Variants in GABRB3 observed in about 807,000 individuals in gnomAD.
GABRB3 encodes gamma-aminobutyric acid type A receptor subunit beta3.
GABRB3 carries 14 observed loss-of-function variants against 52.1 expected under a neutral mutation model. The ratio of observed to expected loss-of-function variants is 0.27; its 90% CI spans 0.18 to 0.42. The LOEUF (loss-of-function observed/expected upper bound fraction) is 0.42, where lower values mean the gene tolerates loss of function less well. Ranked by LOEUF, GABRB3 falls within the 10% of genes least tolerant of loss-of-function variation. The probability of loss-of-function intolerance (pLI) is 1.00; values close to 1 mark genes in which losing one functional copy is unlikely to be tolerated. For synonymous variants in GABRB3, 260 were observed against 232.3 expected (o/e 1.12, Z -1.08); for missense variants, 307 against 609.1 (o/e 0.50, Z 5.22).
chr15:26,750,669 C>T (rs1890479509), intron 3 of GABRB3, among the ~76,000 whole-genome samples: 1 of 152,092 alleles, frequency 6.6e-6, no homozygotes. Flanking sequence ...CAAGAAGCTG[C>T]TTTAGAGTAA....
At chr15:26,665,326 T>C (rs910559110) in intron 3 of GABRB3, among the ~76,000 whole-genome samples, 7 of 152,198 alleles carry the variant, frequency 4.6e-5, no homozygotes, top group Admixed American at 2.0e-4. Context: ...TTCAAGATCA[T>C]AGAATTAAAT....
At chr15:26,738,230 C>T (rs1020046153) in intron 3 of GABRB3, among the ~76,000 whole-genome samples, 2 of 152,034 alleles carry the variant, frequency 1.3e-5, no homozygotes, top group Non-Finnish European at 2.9e-5. Context: ...CTACAGGCAC[C>T]GGCCACCATG....
At chr15:26,569,406 T>C (rs1007741197) in intron 6 of GABRB3, 2 of 152,234 alleles carry the variant, frequency 1.3e-5, no homozygotes, top group African/African-American at 4.8e-5. Context: ...CAAATGCATA[T>C]ATCACATGTC....
At position 26,573,030 on chromosome 15, in the gene GABRB3, C is replaced by T. The variant is rs117388940; in HGVS notation, c.683-5297G>A. ...TTGAAGAACTCATTAAAAATGTGAA[C>T]ACAGAAGGTCATGCCAGCTTTGTAG... On this transcript the variant is annotated intron_variant, in intron 6 of 8. Transcript: ENST00000311550. 6.3e-3 allele frequency among the ~76,000 whole-genome samples: 958 copies of T among 152,254 alleles called. 4 individuals are homozygous for T. The highest frequency in any genetic ancestry group is 0.016 in the South Asian group (79 of 4,826).
Position 26,566,613 on chromosome 15 carries a change from C to G in GABRB3, c.835+968G>C, listed in dbSNP as rs142909062. Among the ~76,000 whole-genome samples, 790 of 152,164 alleles carry G rather than the reference C, an allele frequency of 5.2e-3. 6 individuals carry two copies. The highest frequency in any genetic ancestry group is 0.018 in the African/African-American group (763 of 41,504). ...TGGTGGTGTGTGCCTGTTGTCCCCA[C>G]TGTCCAGGAGGTAGAGTTGAGAGGA... On this transcript the variant is annotated intron_variant, in intron 7 of 8. Coordinates refer to ENST00000311550, the MANE Select transcript of GABRB3 (RefSeq NM_000814.6).
At chr15:26,763,344 T>C (rs181486865) in intron 3 of GABRB3, among the ~76,000 whole-genome samples, 1 of 152,142 alleles carries the variant, frequency 6.6e-6, no homozygotes, top group African/African-American at 2.4e-5. Context: ...AAAAAGAGAA[T>C]CTCTGCAATA....
At chr15:26,676,731 T>G (rs987605627) in intron 3 of GABRB3, among the ~76,000 whole-genome samples, 2 of 152,202 alleles carry the variant, frequency 1.3e-5, no homozygotes, top group African/African-American at 4.8e-5. Flanking sequence ...AAATAAATCT[T>G]GTTAATTCCA....
At chr15:26,646,796 T>G (rs1465186836) in intron 3 of GABRB3, among the ~76,000 whole-genome samples, 1 of 152,214 alleles carries the variant, frequency 6.6e-6, no homozygotes, top group Non-Finnish European at 1.5e-5. Context: ...CCCTAGCGAC[T>G]AATGATGTTA....
At chr15:26,554,190 A>AAAGTATATATATATAAAGT (rs1567097853) in intron 8 of GABRB3, among the ~76,000 whole-genome samples, 3 of 31,530 alleles carry the variant, frequency 9.5e-5, no homozygotes, top group African/African-American at 2.6e-4. Flanking sequence ...ATATATATAT[A>AAAGTATATATATATAAAGT]CTATATATAT....
chr15:26,768,673 TA>T lies in GABRB3; in HGVS notation c.240+3728del, dbSNP rs1891062193. Among the ~76,000 whole-genome samples the T allele has an allele frequency of 2.6e-5, 4 of 152,140 alleles. No homozygotes were observed. The South Asian group carries it at 8.3e-4, about 31-fold the overall frequency. On this transcript the variant is annotated intron_variant, in intron 3 of 8. Coordinates refer to ENST00000311550, the MANE Select transcript of GABRB3 (RefSeq NM_000814.6). ...ATCTCACTTATAGAAATATACAAAC[TA>T]AATCTCAATAATTATCTAGCCGTGT...
intron 3 of GABRB3, among the ~76,000 whole-genome samples, chr15:26,714,878 T>C (rs1889417525): frequency 1.3e-5 from 2 of 152,078 alleles, no homozygotes; most frequent in Non-Finnish European, 2.9e-5. Flanking sequence ...GAAAGACAAA[T>C]CTGTAGTCTG....
intron 3 of GABRB3, among the ~76,000 whole-genome samples, chr15:26,673,558 C>T (rs547374509): frequency 3.8e-4 from 58 of 152,224 alleles, no homozygotes; most frequent in Non-Finnish European, 7.9e-4. Context: ...ACTGATGATA[C>T]GAATTACTCT....
rs1024697622 is a variant in GABRB3 at position 26,750,448 on chromosome 15, A to C, written c.240+21954T>G. On this transcript the variant is annotated intron_variant, in intron 3 of 8. Coordinates refer to ENST00000311550, the MANE Select transcript of GABRB3 (RefSeq NM_000814.6). Reference sequence around the variant, plus strand: ...AACTGTATGATATAATGGAAATGTCAATTTTTTTGTTAGGAAAGCATAAAT... The same window carrying C: ...AACTGTATGATATAATGGAAATGTCCATTTTTTTGTTAGGAAAGCATAAAT... Among the ~76,000 whole-genome samples, 26 of 152,294 alleles carry C rather than the reference A, an allele frequency of 1.7e-4. No individual in the cohort carries two copies. The East Asian group carries it at 3.9e-3, about 23-fold the overall frequency.
chr15:26,765,145 A>AAAAG (rs10685945), intron 3 of GABRB3, among the ~76,000 whole-genome samples: 45 of 150,714 alleles, frequency 3.0e-4, no homozygotes, highest in African/African-American at 1.1e-3. Flanking sequence ...AAAAAAAAAA[A>AAAAG]GTCAAAACTT....
chr15:26,650,155 C>CT (rs1391296088), intron 3 of GABRB3, among the ~76,000 whole-genome samples: 1 of 152,164 alleles, frequency 6.6e-6, no homozygotes, highest in Non-Finnish European at 1.5e-5. Flanking sequence ...GTCCAGAGCC[C>CT]TGTTGGGTGC....
intron 3 of GABRB3, chr15:26,624,823 G>T: frequency 5.1e-6 from 5 of 985,404 alleles, no homozygotes; most frequent in Non-Finnish European, 6.0e-6. Context: ...CCACTCTCGT[G>T]CAGCCGGGAG....
intron 3 of GABRB3, among the ~76,000 whole-genome samples, chr15:26,758,826 G>A (rs1890732477): frequency 6.6e-6 from 1 of 152,152 alleles, no homozygotes; most frequent in Non-Finnish European, 1.5e-5. Flanking sequence ...CACCATTGTA[G>A]ACAAATTATG....
chr15:26,766,801 A>G (rs894635182), intron 3 of GABRB3, among the ~76,000 whole-genome samples: 6 of 151,670 alleles, frequency 4.0e-5, no homozygotes, highest in African/African-American at 1.2e-4. Flanking sequence ...ATGTCAAACT[A>G]AAGACAACAT....
intron 6 of GABRB3, among the ~76,000 whole-genome samples, chr15:26,579,105 G>A (rs1164570844): frequency 3.3e-5 from 5 of 152,160 alleles, no homozygotes; most frequent in African/African-American, 1.2e-4. Context: ...TGGAGAGGAG[G>A]GAACGTTGCT....
Sources: allele counts gnomAD v4.1 joint callset (sites outside exome capture counted in the v4.1 genomes callset), GRCh38; gene constraint gnomAD v4.1.1; transcripts MANE v1.5; gene names NCBI Gene and HGNC (gene_info 2026-07-23, HGNC 2026-07-21).